The following EHMT1 variants were observed in gnomAD, a reference collection of about 807,000 sequenced individuals.
The protein encoded by EHMT1 is histone-lysine N-methyltransferase EHMT1.
In EHMT1, 15 loss-of-function variants were observed where a neutral mutation model predicts 147.2. That is an observed-to-expected ratio of 0.10 (90% CI 0.07 to 0.16). The LOEUF (loss-of-function observed/expected upper bound fraction) is 0.16, where lower values mean the gene tolerates loss of function less well. EHMT1 is among the 10% of genes least tolerant of loss of function. The pLI, the probability that EHMT1 is intolerant of heterozygous loss-of-function variation, is 1.00. For synonymous variants in EHMT1, 795 were observed against 709.6 expected (o/e 1.12, Z -1.91); for missense variants, 1,587 against 1,772.4 (o/e 0.90, Z 1.88).
intron 3 of EHMT1, among the ~76,000 whole-genome samples, chr9:137,727,693 A>G (rs892091503): frequency 6.6e-6 from 1 of 152,254 alleles, no homozygotes; most frequent in African/African-American, 2.4e-5. Flanking sequence ...GGAAGCAGAC[A>G]GAGAGTGGAG....
At position 137,823,922 on chromosome 9, in the gene EHMT1, ACT is replaced by A. The variant is rs1303773765; in HGVS notation, c.3540+5787_3540+5788del. ...TTGTAGGAGCTCTTTCCATCTTCTGACTCTGATGTACATATAAATATGTGTGT... is the reference window on the plus strand; with the variant it reads ...TTGTAGGAGCTCTTTCCATCTTCTGACTGATGTACATATAAATATGTGTGT... On this transcript the variant is annotated intron_variant, in intron 25 of 26. Coordinates refer to ENST00000460843, the MANE Select transcript of EHMT1 (RefSeq NM_024757.5). Among the ~76,000 whole-genome samples the A allele has an allele frequency of 3.9e-5, 6 of 152,130 alleles. No individual in the cohort carries two copies. In the East Asian group the frequency reaches 9.7e-4, roughly 25 times the overall value.
At chr9:137,823,663 G>A (rs527906852) in intron 25 of EHMT1, among the ~76,000 whole-genome samples, 8 of 151,554 alleles carry the variant, frequency 5.3e-5, no homozygotes, top group African/African-American at 7.3e-5. Context: ...CGCCCGCCTC[G>A]GCCTCTCAAA....
At chr9:137,643,536 G>T (rs903862441) in intron 1 of EHMT1, among the ~76,000 whole-genome samples, 7 of 151,980 alleles carry the variant, frequency 4.6e-5, no homozygotes, top group African/African-American at 1.7e-4. Flanking sequence ...TTTTAGTAGA[G>T]ACGGGGTTTC....
chr9:137,768,362 T>C (rs1274793141), intron 10 of EHMT1, among the ~76,000 whole-genome samples: 1 of 145,378 alleles, frequency 6.9e-6, no homozygotes, highest in East Asian at 2.0e-4. Context: ...TTTTTTTTTT[T>C]TTTTTTCTGA....
chr9:137,724,529 C>A lies in EHMT1; in HGVS notation c.643-3820C>A, dbSNP rs189884950. Among the ~76,000 whole-genome samples the A allele has an allele frequency of 2.6e-5, 4 of 152,336 alleles. No homozygotes were observed. In the East Asian group the frequency reaches 5.8e-4, roughly 22 times the overall value. Reference sequence around the variant, plus strand: ...TTACTGTTGAGATTCTTGAAAATAACCTTTTAAATTAAAGAATAGGTGTGT... The same window carrying A: ...TTACTGTTGAGATTCTTGAAAATAAACTTTTAAATTAAAGAATAGGTGTGT... On this transcript the variant is annotated intron_variant, in intron 3 of 26. Transcript: ENST00000460843.
intron 1 of EHMT1, among the ~76,000 whole-genome samples, chr9:137,697,846 A>C (rs1037208894): frequency 1.2e-4 from 18 of 152,366 alleles, no homozygotes; most frequent in African/African-American, 3.6e-4. Context: ...AGATGATTCT[A>C]TCCATACAGC....
Position 137,753,951 on chromosome 9 carries a change from T to C in EHMT1, c.1249-220T>C, listed in dbSNP as rs143010369. Among the ~76,000 whole-genome samples, 131 of 152,356 alleles carry C rather than the reference T, an allele frequency of 8.6e-4. 1 individual carries two copies. In the Middle Eastern group the frequency reaches 0.01, roughly 12 times the overall value. On this transcript the variant is annotated intron_variant, in intron 7 of 26. Coordinates refer to ENST00000460843, the MANE Select transcript of EHMT1 (RefSeq NM_024757.5). ...TACATTTCACTTTCTGCTTTTGTTT[T>C]GTTTTATCTCTAAAGGGACTGAGCT...
In EHMT1 at chr9:137,834,514, G is replaced by A. The variant is rs2133154785; in HGVS notation, c.3706G>A (p.Glu1236Lys). The change falls in exon 26 of 27, where the codon GAG becomes AAG. Residue 1236 changes from glutamate (E) to lysine (K), a missense_variant. Glu to Lys is a moderately conservative substitution (Grantham distance 56). This residue lies in a region of EHMT1 where 141 missense variants were observed against 150.8 expected (regional missense o/e 0.94). Transcript: ENST00000460843. ...FFSTRLIEAGEQLGFDYGERF... is the reference protein window; with the variant it reads ...FFSTRLIEAGKQLGFDYGERF... ...CAGCACCCGCCTGATCGAGGCCGGC[G>A]AGCAGCTCGGGTACGCACCGCCCCG... 1 of 1,610,870 alleles carries A rather than the reference G, an allele frequency of 6.2e-7. No homozygotes were observed. The highest frequency in any genetic ancestry group is 8.5e-7 in the Non-Finnish European group (1 of 1,179,710).
intron 1 of EHMT1, among the ~76,000 whole-genome samples, chr9:137,623,883 G>A (rs1843091534): frequency 6.6e-6 from 1 of 152,106 alleles, no homozygotes; most frequent in Non-Finnish European, 1.5e-5. Context: ...GTGGTTCAAT[G>A]ATAGTTCTCT....
At chr9:137,646,409 G>T (rs1309335754) in intron 1 of EHMT1, 1 of 985,446 alleles carries the variant, frequency 1.0e-6, no homozygotes, top group African/African-American at 1.7e-5. Context: ...AGAGGACGAG[G>T]GACTCATTCT....
At chr9:137,797,486 A>T (rs2137277041) in intron 16 of EHMT1, among the ~76,000 whole-genome samples, 1 of 152,274 alleles carries the variant, frequency 6.6e-6, no homozygotes. Context: ...TGCCAGGTGC[A>T]CCTGCTTCTG....
chr9:137,767,312 C>T (rs1263357716), intron 10 of EHMT1, among the ~76,000 whole-genome samples: 1 of 152,146 alleles, frequency 6.6e-6, no homozygotes, highest in Non-Finnish European at 1.5e-5. Flanking sequence ...TAGTCACGTG[C>T]TGCGTAACAG....
intron 1 of EHMT1, among the ~76,000 whole-genome samples, chr9:137,633,114 C>T (rs2133652451): frequency 6.6e-6 from 1 of 152,210 alleles, no homozygotes; most frequent in African/African-American, 2.4e-5. Context: ...ATGCTGGGTT[C>T]TCTGCTTGAA....
intron 18 of EHMT1, chr9:137,802,451 A>G: frequency 2.5e-6 from 1 of 398,710 alleles, no homozygotes. Context: ...CCACAAATAA[A>G]CCCACTAAAT....
At chr9:137,799,203 C>T (rs1953239240) in intron 17 of EHMT1, among the ~76,000 whole-genome samples, 1 of 152,208 alleles carries the variant, frequency 6.6e-6, no homozygotes, top group African/African-American at 2.4e-5. Context: ...AGCTCAAGCC[C>T]TTGGGCCCTG....
intron 1 of EHMT1, among the ~76,000 whole-genome samples, chr9:137,629,683 G>A (rs1358886416): frequency 3.9e-5 from 6 of 151,968 alleles, no homozygotes; most frequent in African/African-American, 1.2e-4. Flanking sequence ...ATGAGCCATC[G>A]CACCTGGTCC....
rs35445261 is a variant in EHMT1, at chr9:137,714,555, ATTT to A, written c.86-2050_86-2048del. The stretch of plus-strand genomic sequence containing the variant: ...GTGCGGAGCTGGATTCAGTTTGCTC[ATTT>A]TTTTTTTTTTTTTTTTTTTTAATGA... On this transcript the variant is annotated intron_variant, in intron 2 of 26. Transcript: ENST00000460843. 7.1e-4 allele frequency among the ~76,000 whole-genome samples: 60 copies of A among 84,200 alleles called. 1 individual carries two copies. The highest frequency in any genetic ancestry group is 2.2e-3 in the African/African-American group (51 of 23,056). 55.2% of individuals were successfully genotyped at this position (84,200 alleles called of 152,430 possible).
At chr9:137,750,809 G>A (rs541996056) in intron 6 of EHMT1, among the ~76,000 whole-genome samples, 73 of 152,346 alleles carry the variant, frequency 4.8e-4, no homozygotes, top group African/African-American at 1.6e-3. Flanking sequence ...GCGCTGAGGC[G>A]GTTAATGAGT....
intron 2 of EHMT1, among the ~76,000 whole-genome samples, chr9:137,712,859 G>A (rs1944871132): frequency 6.6e-6 from 1 of 152,080 alleles, no homozygotes; most frequent in Non-Finnish European, 1.5e-5. Flanking sequence ...TTACTTAATA[G>A]AAGGTCACAA....
Sources: gnomAD v4.1 joint callset for allele counts (sites outside exome capture counted in the v4.1 genomes callset) on GRCh38, gnomAD v4.1.1 for gene constraint, gnomAD v4.1.1 regional missense constraint, MANE v1.5 for transcripts, NCBI Gene and HGNC (gene_info 2026-07-23, HGNC 2026-07-21) for gene names.